The following GNAL variants were observed in gnomAD, a reference collection of about 807,000 sequenced individuals.
GNAL encodes G protein subunit alpha L.
A neutral mutation model predicts 55.1 loss-of-function variants in GNAL; 18 were observed. The observed-to-expected ratio is 0.33, with a 90% confidence interval of 0.23 to 0.48. The LOEUF (loss-of-function observed/expected upper bound fraction) is 0.48. Ranked by LOEUF, GNAL falls within the 20% of genes least tolerant of loss-of-function variation. The pLI is 0.99. For synonymous variants in GNAL, 253 were observed against 237.0 expected (o/e 1.07, Z -0.62); for missense variants, 412 against 614.1 (o/e 0.67, Z 3.48).
chr18:11,691,808 C>G (rs774000661), intron 1 of GNAL, among the ~76,000 whole-genome samples: 1 of 152,108 alleles, frequency 6.6e-6, no homozygotes, highest in Non-Finnish European at 1.5e-5. Flanking sequence ...AGATTTGCTC[C>G]GCTTGAGAAC....
intron 5 of GNAL, among the ~76,000 whole-genome samples, chr18:11,848,984 C>A (rs754518484): frequency 1.2e-4 from 19 of 152,316 alleles, no homozygotes; most frequent in Admixed American, 1.2e-3. Flanking sequence ...AGGCAAGTTT[C>A]TTAGCTCTCT....
At chr18:11,713,513 G>A (rs1166768811) in intron 1 of GNAL, among the ~76,000 whole-genome samples, 2 of 152,198 alleles carry the variant, frequency 1.3e-5, no homozygotes, top group African/African-American at 4.8e-5. Flanking sequence ...TTGGCTTCCT[G>A]GAGTGGTTGC....
rs2032897262 is a variant in GNAL at position 11,752,730 on chromosome 18, C to G, written c.377-123C>G. 3 of 1,168,644 alleles carry G rather than the reference C, an allele frequency of 2.6e-6. No homozygotes were observed. Among genetic ancestry groups the G allele is most frequent in the Non-Finnish European group, 3.7e-6 (3 of 811,202 alleles). The allele number at this position is 1,168,644 out of a possible 1,614,324, so 72.4% of individuals were successfully genotyped here. ...CGGCGGCCGGGGCGAGCTCCTCCAG[C>G]CAGGAACCCGCGTGTAGGAAATCCC... On this transcript the variant is annotated intron_variant, in intron 1 of 11. Transcript: ENST00000334049. This position sits in a 1 kb window ranked among gnomAD's most constrained non-coding sequence, Gnocchi z 4.5.
intron 4 of GNAL, among the ~76,000 whole-genome samples, chr18:11,785,709 C>T (rs965433640): frequency 1.3e-5 from 2 of 151,858 alleles, no homozygotes; most frequent in Admixed American, 1.3e-4. Flanking sequence ...GGGTTCAGGC[C>T]GGTGTATGAG....
At chr18:11,786,041 A>C (rs2034046911) in intron 4 of GNAL, among the ~76,000 whole-genome samples, 1 of 152,206 alleles carries the variant, frequency 6.6e-6, no homozygotes, top group Non-Finnish European at 1.5e-5. Flanking sequence ...AGATTATCAG[A>C]AACAGGGTGA....
chr18:11,876,032 C>A (rs1317969402), intron 10 of GNAL, among the ~76,000 whole-genome samples: 1 of 152,168 alleles, frequency 6.6e-6, no homozygotes, highest in Non-Finnish European at 1.5e-5. Flanking sequence ...CATCACCTCT[C>A]AAAGGCTGCC....
intron 1 of GNAL, among the ~76,000 whole-genome samples, chr18:11,694,040 A>G (rs2031335548): frequency 6.6e-6 from 1 of 151,818 alleles, no homozygotes; most frequent in African/African-American, 2.4e-5. Context: ...TTATATAGAG[A>G]TGGGGTTTCA....
At chr18:11,825,948 G>A (rs1322280659) in intron 5 of GNAL, among the ~76,000 whole-genome samples, 1 of 152,134 alleles carries the variant, frequency 6.6e-6, no homozygotes, top group East Asian at 1.9e-4. Context: ...GTTGTTTTAT[G>A]TAAAGCTGTG....
At chr18:11,776,439 G>A (rs115331559) in intron 4 of GNAL, among the ~76,000 whole-genome samples, 5,623 of 152,174 alleles carry the variant, frequency 0.037, 386 homozygotes, top group African/African-American at 0.13. Flanking sequence ...AGGCAAAGTG[G>A]CTTATGCCTG....
intron 11 of GNAL, 95 bp downstream of exon 11, chr18:11,876,783 C>A: frequency 1.3e-6 from 1 of 791,014 alleles, no homozygotes; most frequent in African/African-American, 1.7e-5. Context: ...CTCATTTAAT[C>A]TTCCTTAACA....
intron 4 of GNAL, among the ~76,000 whole-genome samples, chr18:11,821,983 C>T (rs1365705567): frequency 6.6e-6 from 1 of 152,264 alleles, no homozygotes; most frequent in Admixed American, 6.5e-5. Flanking sequence ...CTCCGTTTCA[C>T]GGGTGCTAAG....
chr18:11,696,073 G>A (rs1291216432), intron 1 of GNAL, among the ~76,000 whole-genome samples: 3 of 152,202 alleles, frequency 2.0e-5, no homozygotes, highest in African/African-American at 7.2e-5. Context: ...TTGGAGTTGT[G>A]CAGTGGCCTT....
At chr18:11,767,747 C>T (rs1045290336) in intron 4 of GNAL, among the ~76,000 whole-genome samples, 2 of 152,232 alleles carry the variant, frequency 1.3e-5, no homozygotes, top group Admixed American at 6.5e-5. Context: ...CATGCTTGCT[C>T]TCTGTGTACC....
intron 4 of GNAL, among the ~76,000 whole-genome samples, chr18:11,777,836 C>T (rs1011402241): frequency 1.2e-4 from 19 of 152,186 alleles, no homozygotes; most frequent in Admixed American, 3.9e-4. Context: ...ATGACACCCC[C>T]ATCAGGAGGA....
At chr18:11,827,920 G>A (rs1486440818) in intron 5 of GNAL, among the ~76,000 whole-genome samples, 4 of 150,460 alleles carry the variant, frequency 2.7e-5, no homozygotes, top group African/African-American at 7.4e-5. Flanking sequence ...GCAGTGAGCC[G>A]AGATCGCGCC....
chr18:11,769,010 A>G (rs1360376767), intron 4 of GNAL, among the ~76,000 whole-genome samples: 14 of 108,132 alleles, frequency 1.3e-4, no homozygotes, highest in Non-Finnish European at 5.1e-5. Flanking sequence ...TAGAATATAT[A>G]TATTCTATAT....
At chr18:11,714,736 T>G (rs1297983077) in intron 1 of GNAL, among the ~76,000 whole-genome samples, 1 of 152,234 alleles carries the variant, frequency 6.6e-6, no homozygotes, top group Non-Finnish European at 1.5e-5. Flanking sequence ...ATCTTCTGTC[T>G]TTGTAGCCAT....
intron 4 of GNAL, among the ~76,000 whole-genome samples, chr18:11,798,679 G>A (rs959709796): frequency 3.9e-5 from 6 of 152,148 alleles, no homozygotes; most frequent in Non-Finnish European, 8.8e-5. Context: ...TATATACTTT[G>A]AATATAATTT....
At chr18:11,853,404 C>G (rs369262233) in intron 5 of GNAL, 1 of 167,072 alleles carries the variant, frequency 6.0e-6, no homozygotes, top group Non-Finnish European at 1.5e-5. Context: ...CTCATAGCCT[C>G]GAAACATGGA....
Sources: gnomAD v4.1 joint callset for allele counts (sites outside exome capture counted in the v4.1 genomes callset) on GRCh38, gnomAD v4.1.1 for gene constraint, Gnocchi (gnomAD v3.1) non-coding constraint, MANE v1.5 for transcripts, NCBI Gene and HGNC (gene_info 2026-07-23, HGNC 2026-07-21) for gene names.